RBFOX1: variants seen among roughly 807,000 people sequenced by gnomAD.
RBFOX1 encodes the protein RNA binding fox-1 homolog 1, also known as RNA binding protein fox-1 homolog 1.
Under a neutral mutation model 57.7 loss-of-function variants are expected in RBFOX1, and 8 were observed. The ratio of observed to expected loss-of-function variants is 0.14; its 90% CI spans 0.08 to 0.25. The LOEUF is 0.25. Among genes scored for constraint, RBFOX1 ranks in the 10% least tolerant of loss-of-function variants. The pLI, the probability that RBFOX1 is intolerant of heterozygous loss-of-function variation, is 1.00. For missense variants in RBFOX1, 611 were observed against 548.5 expected (o/e 1.11, Z -1.14); for synonymous variants, 326 against 222.4 (o/e 1.47, Z -4.15).
In RBFOX1 at chr16:6,768,740, C is replaced by A. The variant is rs1226017157; in HGVS notation, c.-16+114090C>A. On this transcript the variant is annotated intron_variant, in intron 3 of 15. Coordinates refer to ENST00000550418, the MANE Select transcript of RBFOX1 (RefSeq NM_018723.4). Reference sequence around the variant, plus strand: ...ATGATATTATGATGATATTATTTTTCTTTTTTTTTTTTTGAGACTTGCTTT... The same window carrying A: ...ATGATATTATGATGATATTATTTTTATTTTTTTTTTTTTGAGACTTGCTTT... Among the ~76,000 whole-genome samples the A allele has an allele frequency of 1.4e-5, 2 of 139,574 alleles. 1 individual carries two copies. The highest frequency in any genetic ancestry group is 4.6e-4 in the South Asian group (2 of 4,360). 91.6% of individuals were successfully genotyped at this position (139,574 alleles called of 152,430 possible).
chr16:6,564,079 C>A (rs550293276), intron 2 of RBFOX1, among the ~76,000 whole-genome samples: 2 of 152,062 alleles, frequency 1.3e-5, no homozygotes, highest in Admixed American at 6.5e-5. Flanking sequence ...CTTAACCTCA[C>A]AATCACTTCT....
chr16:7,082,220 C>A (rs1177385053), intron 4 of RBFOX1, among the ~76,000 whole-genome samples: 3 of 152,148 alleles, frequency 2.0e-5, no homozygotes, highest in African/African-American at 7.2e-5. Flanking sequence ...CAGGATGAAT[C>A]TACCTTCTCA....
chr16:6,307,553 TATA>T (rs1303738815), intron 1 of RBFOX1, among the ~76,000 whole-genome samples: 7 of 148,968 alleles, frequency 4.7e-5, no homozygotes, highest in East Asian at 1.9e-4. Context: ...TAAGTCATTA[TATA>T]ATATCATTTA....
intron 1 of RBFOX1, among the ~76,000 whole-genome samples, chr16:6,291,248 A>G (rs1453400780): frequency 6.6e-6 from 1 of 152,088 alleles, no homozygotes; most frequent in Non-Finnish European, 1.5e-5. Context: ...TTCCTTAACC[A>G]TCTGGGAATG....
chr16:7,044,610 G>A (rs2047268959), intron 3 of RBFOX1, among the ~76,000 whole-genome samples: 1 of 152,096 alleles, frequency 6.6e-6, no homozygotes, highest in Non-Finnish European at 1.5e-5. Context: ...GATTCTGGAA[G>A]CATCTTAAAG....
intron 3 of RBFOX1, among the ~76,000 whole-genome samples, chr16:5,772,205 A>G (rs1247687310): frequency 6.6e-6 from 1 of 152,184 alleles, no homozygotes; most frequent in African/African-American, 2.4e-5. Flanking sequence ...TTTATAGAAT[A>G]ACAATAGTGA....
chr16:7,638,111 C>G (rs1427444390), intron 11 of RBFOX1, among the ~76,000 whole-genome samples: 1 of 152,102 alleles, frequency 6.6e-6, no homozygotes, highest in Non-Finnish European at 1.5e-5. Flanking sequence ...CTCCCTTCCA[C>G]CCCCCACTTA....
intron 4 of RBFOX1, among the ~76,000 whole-genome samples, chr16:7,087,329 A>C (rs2060143357): frequency 6.6e-6 from 1 of 152,126 alleles, no homozygotes. Flanking sequence ...GGCTTCCGTG[A>C]ATCTCCCACC....
At chr16:6,423,536 T>C (rs1332197929) in intron 2 of RBFOX1, among the ~76,000 whole-genome samples, 1 of 152,006 alleles carries the variant, frequency 6.6e-6, no homozygotes, top group Non-Finnish European at 1.5e-5. Flanking sequence ...GAGGTGAAAA[T>C]TGCAGTGAGC....
rs1555570953 is a variant in RBFOX1 at position 7,541,462 on chromosome 16, GT to G, written c.270+23084del. On this transcript the variant is annotated intron_variant, in intron 5 of 15. Transcript: ENST00000550418. ...TCTCATTAGTGTTTGTTTTTATCAG[GT>G]TTTTTTTTTTCCCGACTTTTATCTC... 4.4e-3 allele frequency among the ~76,000 whole-genome samples: 645 copies of G among 148,030 alleles called. 6 individuals carry two copies. The highest frequency in any genetic ancestry group is 0.011 in the African/African-American group (436 of 40,574).
At chr16:5,461,117 G>T (rs116257316) in intron 1 of RBFOX1, among the ~76,000 whole-genome samples, 2,332 of 152,236 alleles carry the variant, frequency 0.015, 55 homozygotes, top group East Asian at 0.085. Flanking sequence ...TGAGATTGCA[G>T]ACTGGAGAGG....
At chr16:6,483,449 C>A in intron 2 of RBFOX1, 4 of 1,535,678 alleles carry the variant, frequency 2.6e-6, no homozygotes, top group Non-Finnish European at 3.5e-6. Context: ...TCGGACTTCT[C>A]CCGTGCTGTG....
At chr16:5,635,465 G>C (rs2048653923) in intron 3 of RBFOX1, among the ~76,000 whole-genome samples, 1 of 152,180 alleles carries the variant, frequency 6.6e-6, no homozygotes, top group South Asian at 2.1e-4. Flanking sequence ...ACTAGGGCCG[G>C]GGACTGGAGG....
chr16:5,444,140 A>C (rs78496799), intron 1 of RBFOX1, among the ~76,000 whole-genome samples: 2,516 of 152,254 alleles, frequency 0.017, 87 homozygotes, highest in African/African-American at 0.058. Context: ...ATAATCTCAA[A>C]ATAAGAGGCT....
At chr16:6,146,450 C>T (rs2096758887) in intron 1 of RBFOX1, among the ~76,000 whole-genome samples, 1 of 152,090 alleles carries the variant, frequency 6.6e-6, no homozygotes, top group Non-Finnish European at 1.5e-5. Context: ...CTGTCCTGTA[C>T]ATTGTAGGAT....
chr16:5,416,618 TC>T (rs1445520623), intron 1 of RBFOX1, among the ~76,000 whole-genome samples: 1 of 152,184 alleles, frequency 6.6e-6, no homozygotes, highest in Non-Finnish European at 1.5e-5. Context: ...TGCATTTTCT[TC>T]TGAACTGCGT....
chr16:6,368,827 A>G (rs1401043171), intron 2 of RBFOX1, among the ~76,000 whole-genome samples: 1 of 152,200 alleles, frequency 6.6e-6, no homozygotes, highest in Admixed American at 6.5e-5. Context: ...GAAGGTTAAA[A>G]GAAAAACCCA....
At chr16:6,478,284 G>A (rs1379575068) in intron 2 of RBFOX1, among the ~76,000 whole-genome samples, 4 of 142,760 alleles carry the variant, frequency 2.8e-5, no homozygotes, top group East Asian at 2.0e-4. Flanking sequence ...GTGCAGTGGC[G>A]TGATCTCAGC....
At chr16:5,773,756 G>A (rs564685683) in intron 3 of RBFOX1, among the ~76,000 whole-genome samples, 138 of 152,256 alleles carry the variant, frequency 9.1e-4, no homozygotes, top group Non-Finnish European at 1.6e-3. Flanking sequence ...GGAGTGCAGT[G>A]GTGTGATCTC....
Sources: gnomAD v4.1 joint callset for allele counts (sites outside exome capture counted in the v4.1 genomes callset) on GRCh38, gnomAD v4.1.1 for gene constraint, MANE v1.5 for transcripts, NCBI Gene and HGNC (gene_info 2026-07-23, HGNC 2026-07-21) for gene names.